The following CNTNAP2 variants were observed in gnomAD, a reference collection of about 807,000 sequenced individuals.
CNTNAP2 encodes contactin-associated protein-like 2.
Under a neutral mutation model 155.2 loss-of-function variants are expected in CNTNAP2, and 98 were observed. The ratio of observed to expected loss-of-function variants is 0.63; its 90% CI spans 0.54 to 0.75. The LOEUF (loss-of-function observed/expected upper bound fraction) is 0.75, where lower values mean the gene tolerates loss of function less well. Among genes scored for constraint, CNTNAP2 ranks in the 30% least tolerant of loss-of-function variants. CNTNAP2 has a pLI of 0.00. For missense variants in CNTNAP2, 1,727 were observed against 1,688.1 expected (o/e 1.02, Z -0.40); for synonymous variants, 651 against 631.2 (o/e 1.03, Z -0.47).
At chr7:148,069,759 CAAAAA>C (rs57389619) in intron 15 of CNTNAP2, among the ~76,000 whole-genome samples, 1 of 68,950 alleles carries the variant, frequency 1.5e-5, no homozygotes, top group Non-Finnish European at 3.4e-5. Context: ...GACTCCGTCT[CAAAAA>C]AAAAAAAAAA....
chr7:146,525,209 G>A (rs1797671112), intron 1 of CNTNAP2, among the ~76,000 whole-genome samples: 1 of 152,020 alleles, frequency 6.6e-6, no homozygotes, highest in South Asian at 2.1e-4. Flanking sequence ...TGTGTGTATA[G>A]ATTAAAGCTC....
chr7:146,688,335 G>A (rs1307298166), intron 1 of CNTNAP2, among the ~76,000 whole-genome samples: 2 of 151,958 alleles, frequency 1.3e-5, no homozygotes, highest in African/African-American at 2.4e-5. Context: ...ATCACATACT[G>A]TTATGCGCAT....
rs569545501 is a variant in CNTNAP2 at position 147,763,696 on chromosome 7, T to C, written c.2098+124390T>C. 5.3e-5 allele frequency among the ~76,000 whole-genome samples: 8 copies of C among 152,314 alleles called. No individual in the cohort carries two copies. In the South Asian group the frequency reaches 1.7e-3, roughly 32 times the overall value. On this transcript the variant is annotated intron_variant, in intron 13 of 23. Transcript: ENST00000361727. ...TTGACTATAAGGGCAAGCCAAGCCC[T>C]TCTTGCTTCAGTAGTTTCCTGGGGC...
chr7:147,311,039 C>T (rs186783003), intron 9 of CNTNAP2, among the ~76,000 whole-genome samples: 4 of 152,066 alleles, frequency 2.6e-5, no homozygotes, highest in African/African-American at 7.2e-5. Context: ...GCAGGAGGAA[C>T]GTGGTCAGGT....
At chr7:146,898,272 G>T (rs1041900713) in intron 3 of CNTNAP2, among the ~76,000 whole-genome samples, 18 of 151,992 alleles carry the variant, frequency 1.2e-4, no homozygotes, top group African/African-American at 4.1e-4. Context: ...TGACAGAATT[G>T]GCCAGGAAGG....
At chr7:146,439,889 C>T (rs1054971584) in intron 1 of CNTNAP2, among the ~76,000 whole-genome samples, 1 of 151,538 alleles carries the variant, frequency 6.6e-6, no homozygotes, top group Non-Finnish European at 1.5e-5. Context: ...TTTGGGAGGC[C>T]TACGCCAGTG....
chr7:147,346,137 TATTTTA>T (rs1404629275), intron 9 of CNTNAP2, among the ~76,000 whole-genome samples: 2 of 51,296 alleles, frequency 3.9e-5, no homozygotes, highest in African/African-American at 2.8e-4. Context: ...GATTTTATTT[TATTTTA>T]TTTTATTTTA....
chr7:147,923,102 G>A (rs1208863844), intron 14 of CNTNAP2, among the ~76,000 whole-genome samples: 1 of 151,814 alleles, frequency 6.6e-6, no homozygotes, highest in East Asian at 1.9e-4. Flanking sequence ...GGAAGGAAGG[G>A]AGGGGAGGGA....
At chr7:146,727,428 G>A (rs567443148) in intron 1 of CNTNAP2, among the ~76,000 whole-genome samples, 1 of 152,228 alleles carries the variant, frequency 6.6e-6, no homozygotes, top group African/African-American at 2.4e-5. Context: ...AGATCCCAGG[G>A]CACTTACCAC....
At chr7:146,992,559 C>T (rs1054119395) in intron 3 of CNTNAP2, among the ~76,000 whole-genome samples, 1 of 152,118 alleles carries the variant, frequency 6.6e-6, no homozygotes, top group Non-Finnish European at 1.5e-5. Context: ...CACCCCAGAA[C>T]AGGAGAGGCC....
At chr7:147,266,275 G>T (rs1390724) in intron 8 of CNTNAP2, among the ~76,000 whole-genome samples, 90,960 of 152,070 alleles carry the variant, frequency 0.6, 28,067 homozygotes, top group East Asian at 0.78. Flanking sequence ...ATAACCAGTT[G>T]AGAGAGAAAC....
chr7:147,937,744 T>A (rs1035843379), intron 14 of CNTNAP2, among the ~76,000 whole-genome samples: 7 of 152,170 alleles, frequency 4.6e-5, no homozygotes, highest in Non-Finnish European at 1.0e-4. Context: ...AAGCAATCTT[T>A]CTCTCATTTT....
intron 1 of CNTNAP2, among the ~76,000 whole-genome samples, chr7:146,215,090 G>T (rs949435531): frequency 6.6e-6 from 1 of 152,040 alleles, no homozygotes; most frequent in Non-Finnish European, 1.5e-5. Flanking sequence ...TAAATATTAC[G>T]TACATGGAAA....
chr7:147,924,143 CTT>C (rs71527854), intron 14 of CNTNAP2, among the ~76,000 whole-genome samples: 6,086 of 123,468 alleles, frequency 0.049, 299 homozygotes, highest in Admixed American at 0.13. Context: ...CTTTTCTTTT[CTT>C]TTTTTTTTTT....
chr7:147,286,861 C>G (rs534375023), intron 8 of CNTNAP2, among the ~76,000 whole-genome samples: 4 of 152,220 alleles, frequency 2.6e-5, no homozygotes, highest in Middle Eastern at 3.4e-3. Context: ...CACTTCTCCT[C>G]CTTGTTTTAC....
At chr7:146,331,318 TAA>T (rs374883868) in intron 1 of CNTNAP2, among the ~76,000 whole-genome samples, 1 of 141,480 alleles carries the variant, frequency 7.1e-6, no homozygotes, top group Middle Eastern at 3.7e-3. Flanking sequence ...AAAAAAAAAA[TAA>T]AAATAACCAA....
intron 1 of CNTNAP2, among the ~76,000 whole-genome samples, chr7:146,582,502 G>A (rs1487802156): frequency 1.3e-5 from 2 of 152,164 alleles, no homozygotes; most frequent in East Asian, 3.9e-4. Context: ...AGATGCTACC[G>A]GGAGGGAAAA....
chr7:146,610,602 T>C (rs1473034588), intron 1 of CNTNAP2, among the ~76,000 whole-genome samples: 5 of 152,292 alleles, frequency 3.3e-5, no homozygotes, highest in Admixed American at 6.5e-5. Context: ...ATGACAATAT[T>C]TTAAATCCCA....
At chr7:147,805,361 C>T (rs1798073760) in intron 13 of CNTNAP2, among the ~76,000 whole-genome samples, 1 of 152,170 alleles carries the variant, frequency 6.6e-6, no homozygotes, top group Admixed American at 6.5e-5. Context: ...AAGATTATAT[C>T]ATCTAAAAAC....
Sources: allele counts gnomAD v4.1 joint callset (sites outside exome capture counted in the v4.1 genomes callset), GRCh38; gene constraint gnomAD v4.1.1; transcripts MANE v1.5; gene names NCBI Gene and HGNC (gene_info 2026-07-23, HGNC 2026-07-21).